GMDS: variants seen among roughly 807,000 people sequenced by gnomAD.
GMDS encodes the protein GDP-mannose 4,6 dehydratase.
In GMDS, 20 loss-of-function variants were observed where a neutral mutation model predicts 49.9. That is an observed-to-expected ratio of 0.40 (90% CI 0.28 to 0.58). The LOEUF (loss-of-function observed/expected upper bound fraction) is 0.58, where lower values mean the gene tolerates loss of function less well. Among genes scored for constraint, GMDS ranks in the 20% least tolerant of loss-of-function variants. The pLI, the probability that GMDS is intolerant of heterozygous loss-of-function variation, is 0.42. For synonymous variants in GMDS, 177 were observed against 178.6 expected, an observed-to-expected ratio of 0.99 and a Z score of 0.07; for missense variants, 362 against 481.4, an observed-to-expected ratio of 0.75 and a Z score of 2.32.
chr6:1,982,750 T>G (rs557803840), intron 4 of GMDS, among the ~76,000 whole-genome samples: 10 of 152,232 alleles, frequency 6.6e-5, no homozygotes, highest in African/African-American at 2.2e-4. Flanking sequence ...TGGAAAAACA[T>G]CAAATGCTCA....
At chr6:1,670,862 C>CTGAAAACA (rs1764399807) in intron 9 of GMDS, among the ~76,000 whole-genome samples, 1 of 152,212 alleles carries the variant, frequency 6.6e-6, no homozygotes, top group African/African-American at 2.4e-5. Context: ...CATCTTCATT[C>CTGAAAACA]TGAAAACATG....
At chr6:2,157,039 G>A (rs950926988) in intron 1 of GMDS, among the ~76,000 whole-genome samples, 6 of 151,938 alleles carry the variant, frequency 3.9e-5, no homozygotes, top group Admixed American at 6.5e-5. Flanking sequence ...TATTCCAGAG[G>A]AATTTACCTT....
chr6:2,021,441 G>A (rs1768272949), intron 4 of GMDS, among the ~76,000 whole-genome samples: 2 of 152,038 alleles, frequency 1.3e-5, no homozygotes, highest in South Asian at 2.1e-4. Context: ...AAGAGATCTA[G>A]GTGCCTTTTT....
chr6:1,741,467 CATG>C (rs1207001939), intron 8 of GMDS, among the ~76,000 whole-genome samples: 4 of 152,012 alleles, frequency 2.6e-5, no homozygotes, highest in Admixed American at 2.6e-4. Flanking sequence ...TTTCACATAA[CATG>C]ATGAAAGAAA....
intron 7 of GMDS, among the ~76,000 whole-genome samples, chr6:1,918,013 G>A (rs1470348019): frequency 1.3e-5 from 2 of 152,170 alleles, no homozygotes; most frequent in Non-Finnish European, 2.9e-5. Flanking sequence ...TATTCCCAGA[G>A]CCACTGTCAA....
At chr6:1,637,319 C>G (rs1024545070) in intron 9 of GMDS, among the ~76,000 whole-genome samples, 6 of 152,332 alleles carry the variant, frequency 3.9e-5, no homozygotes, top group Admixed American at 6.5e-5. Flanking sequence ...ATGTGCTTCC[C>G]GGCCGGCCCC....
At chr6:2,059,285 T>G (rs1020134139) in intron 4 of GMDS, among the ~76,000 whole-genome samples, 4 of 152,004 alleles carry the variant, frequency 2.6e-5, no homozygotes, top group African/African-American at 7.2e-5. Context: ...ACTATTGTTT[T>G]TTTAATTTGA....
intron 1 of GMDS, among the ~76,000 whole-genome samples, chr6:2,224,739 C>T (rs1780743465): frequency 1.3e-5 from 2 of 152,158 alleles, no homozygotes; most frequent in Non-Finnish European, 2.9e-5. Context: ...TGTTTACTCT[C>T]ATCAAAATTA....
At position 1,997,238 on chromosome 6, in the gene GMDS, G is replaced by A. The variant is rs1581485241; in HGVS notation, c.346-36272C>T. ...GAGAAAGTGAAGACTGGCTGGGCAC[G>A]GTGGCTCATGCCTGTAATCACAGCA... On this transcript the variant is annotated intron_variant, in intron 4 of 10. Transcript: ENST00000380815. Among the ~76,000 whole-genome samples, 4 of 152,136 alleles carry A rather than the reference G, an allele frequency of 2.6e-5. No individual in the cohort carries two copies. In the South Asian group the frequency reaches 8.3e-4, roughly 32 times the overall value.
At chr6:1,842,590 G>T (rs1757196510) in intron 7 of GMDS, among the ~76,000 whole-genome samples, 1 of 152,154 alleles carries the variant, frequency 6.6e-6, no homozygotes, top group South Asian at 2.1e-4. Context: ...GAGAAGCCTG[G>T]GTCCTAGATG....
At chr6:1,938,648 T>A (rs1346353013) in intron 6 of GMDS, among the ~76,000 whole-genome samples, 1 of 152,090 alleles carries the variant, frequency 6.6e-6, no homozygotes, top group Non-Finnish European at 1.5e-5. Context: ...TGTCTACGCA[T>A]GGCTTTCTGC....
chr6:1,689,665 C>G (rs185833332), intron 9 of GMDS, among the ~76,000 whole-genome samples: 1 of 152,192 alleles, frequency 6.6e-6, no homozygotes, highest in Admixed American at 6.5e-5. Flanking sequence ...TGTCCTGCAA[C>G]TATTTATCTT....
intron 1 of GMDS, among the ~76,000 whole-genome samples, chr6:2,237,884 G>A (rs974471153): frequency 1.3e-5 from 2 of 152,092 alleles, no homozygotes; most frequent in South Asian, 2.1e-4. Context: ...AGAAAGAAAG[G>A]AGAAAACTGA....
intron 7 of GMDS, among the ~76,000 whole-genome samples, chr6:1,828,987 C>G (rs1042485963): frequency 2.0e-5 from 3 of 152,162 alleles, no homozygotes; most frequent in African/African-American, 7.2e-5. Context: ...TATATGTGTA[C>G]CATATACTGT....
At chr6:1,735,878 A>C (rs918697698) in intron 8 of GMDS, among the ~76,000 whole-genome samples, 6 of 152,232 alleles carry the variant, frequency 3.9e-5, no homozygotes, top group African/African-American at 1.4e-4. Flanking sequence ...ATTAGAGTCT[A>C]TATTTCTCCA....
At chr6:1,897,847 A>G (rs1174491944) in intron 7 of GMDS, among the ~76,000 whole-genome samples, 1 of 152,232 alleles carries the variant, frequency 6.6e-6, no homozygotes, top group Non-Finnish European at 1.5e-5. Flanking sequence ...ATCCCTAGAC[A>G]GCCTTTCATG....
intron 7 of GMDS, among the ~76,000 whole-genome samples, chr6:1,743,330 G>GACAA (rs2113493810): frequency 6.6e-6 from 1 of 152,226 alleles, no homozygotes; most frequent in East Asian, 1.9e-4. Context: ...GAGGCGGGTG[G>GACAA]ATCACGAGGT....
intron 1 of GMDS, among the ~76,000 whole-genome samples, chr6:2,193,346 C>A (rs887383723): frequency 1.3e-5 from 2 of 152,208 alleles, no homozygotes; most frequent in African/African-American, 4.8e-5. Flanking sequence ...CCAAATTTGA[C>A]CATTTCAAGA....
At chr6:2,005,547 C>T (rs929418584) in intron 4 of GMDS, among the ~76,000 whole-genome samples, 1 of 152,128 alleles carries the variant, frequency 6.6e-6, no homozygotes, top group Non-Finnish European at 1.5e-5. Flanking sequence ...AATCTTGGTA[C>T]AGCAGAAAAA....
Sources: allele counts gnomAD v4.1 joint callset (sites outside exome capture counted in the v4.1 genomes callset), GRCh38; gene constraint gnomAD v4.1.1; transcripts MANE v1.5; gene names NCBI Gene and HGNC (gene_info 2026-07-23, HGNC 2026-07-21).